Variants in STK32B observed in about 807,000 individuals in gnomAD.
The protein encoded by STK32B is serine/threonine-protein kinase 32B.
In STK32B, 43 loss-of-function variants were observed where a neutral mutation model predicts 52.6. The observed-to-expected ratio is 0.82, with a 90% CI of 0.64 to 1.05. STK32B has a LOEUF of 1.05. Among genes scored for constraint, STK32B ranks in the 50% least tolerant of loss-of-function variants. The pLI is 0.00. For missense variants in STK32B, 621 were observed against 534.6 expected (o/e 1.16, Z -1.59); for synonymous variants, 238 against 204.3 (o/e 1.17, Z -1.41).
chr4:5,338,315 T>C (rs1577367085), intron 4 of STK32B, among the ~76,000 whole-genome samples: 1 of 152,220 alleles, frequency 6.6e-6, no homozygotes, highest in Admixed American at 6.5e-5. Flanking sequence ...ACTGTTCATT[T>C]ACTCAGTCAT....
At chr4:5,283,118 C>G (rs1728316468) in intron 3 of STK32B, among the ~76,000 whole-genome samples, 1 of 152,072 alleles carries the variant, frequency 6.6e-6, no homozygotes, top group South Asian at 2.1e-4. Flanking sequence ...CCACTCTGTA[C>G]TTCTATAAAT....
intron 4 of STK32B, among the ~76,000 whole-genome samples, chr4:5,370,062 G>A (rs887104033): frequency 5.3e-5 from 8 of 151,996 alleles, no homozygotes; most frequent in African/African-American, 1.9e-4. Flanking sequence ...TTTTAGTAGA[G>A]ACGGGGTTTC....
chr4:5,429,136 C>G (rs1425524338), intron 6 of STK32B, among the ~76,000 whole-genome samples: 4 of 152,186 alleles, frequency 2.6e-5, no homozygotes, highest in Non-Finnish European at 2.9e-5. Context: ...TAACCCTACT[C>G]TAGTACATCG....
At chr4:5,156,617 G>A (rs1717872403) in intron 2 of STK32B, among the ~76,000 whole-genome samples, 1 of 152,200 alleles carries the variant, frequency 6.6e-6, no homozygotes, top group South Asian at 2.1e-4. Context: ...ATACCTTTGG[G>A]AGGACTCTGA....
chr4:5,099,326 A>G (rs1399157950), intron 1 of STK32B, among the ~76,000 whole-genome samples: 1 of 152,182 alleles, frequency 6.6e-6, no homozygotes, highest in East Asian at 1.9e-4. Flanking sequence ...AGGAACTAGA[A>G]TGTGGGCATC....
intron 3 of STK32B, among the ~76,000 whole-genome samples, chr4:5,259,034 C>T (rs1726527752): frequency 6.6e-6 from 1 of 152,178 alleles, no homozygotes; most frequent in African/African-American, 2.4e-5. Flanking sequence ...TCCTAGAATG[C>T]TCTGCCCCAG....
At chr4:5,119,456 C>T (rs1270671675) in intron 1 of STK32B, among the ~76,000 whole-genome samples, 6 of 152,220 alleles carry the variant, frequency 3.9e-5, no homozygotes. Context: ...TCTTAGCAAC[C>T]TTCTGAAAAT....
intron 3 of STK32B, among the ~76,000 whole-genome samples, chr4:5,239,234 G>GAGGGTT (rs1366057171): frequency 6.6e-6 from 1 of 151,542 alleles, no homozygotes; most frequent in Non-Finnish European, 1.5e-5. Flanking sequence ...GAGGCCACTG[G>GAGGGTT]AGGGTTTGAA....
chr4:5,442,596 C>G (rs1390075105), intron 6 of STK32B, among the ~76,000 whole-genome samples: 1 of 151,320 alleles, frequency 6.6e-6, no homozygotes, highest in Non-Finnish European at 1.5e-5. Context: ...AGCATTTAGT[C>G]CATTTACATT....
intron 1 of STK32B, among the ~76,000 whole-genome samples, chr4:5,133,478 G>A (rs1560168501): frequency 6.6e-6 from 1 of 152,072 alleles, no homozygotes; most frequent in East Asian, 1.9e-4. Context: ...ATTCATTCAT[G>A]CATATATGTC....
intron 3 of STK32B, among the ~76,000 whole-genome samples, chr4:5,268,636 T>G (rs905195567): frequency 6.6e-6 from 1 of 151,830 alleles, no homozygotes; most frequent in Non-Finnish European, 1.5e-5. Flanking sequence ...TGCTTTATGC[T>G]GGTTGGCTGC....
chr4:5,188,006 G>C (rs889945744), intron 3 of STK32B, among the ~76,000 whole-genome samples: 1 of 152,094 alleles, frequency 6.6e-6, no homozygotes, highest in Admixed American at 6.6e-5. Context: ...CAGTTTCCTC[G>C]TGTAGGGCGC....
intron 3 of STK32B, among the ~76,000 whole-genome samples, chr4:5,322,672 C>T (rs1403337147): frequency 6.6e-6 from 1 of 152,168 alleles, no homozygotes; most frequent in African/African-American, 2.4e-5. Flanking sequence ...GGGTTTCCTC[C>T]AGACTCTTCC....
intron 4 of STK32B, among the ~76,000 whole-genome samples, chr4:5,339,260 G>A (rs988231193): frequency 6.6e-6 from 1 of 152,086 alleles, no homozygotes; most frequent in African/African-American, 2.4e-5. Context: ...CCAAAACCAC[G>A]GGAGCCGATT....
chr4:5,136,779 A>T (rs971967573), intron 1 of STK32B, among the ~76,000 whole-genome samples: 2 of 152,166 alleles, frequency 1.3e-5, no homozygotes, highest in Non-Finnish European at 2.9e-5. Context: ...TTAACTTTTC[A>T]CTTATTCAAA....
intron 1 of STK32B, among the ~76,000 whole-genome samples, chr4:5,056,615 G>C (rs1742015686): frequency 6.6e-6 from 1 of 152,200 alleles, no homozygotes; most frequent in African/African-American, 2.4e-5. Context: ...GATAGCTCCA[G>C]AACTCTGAGT....
Position 5,395,865 on chromosome 4 carries a change from T to G in STK32B, c.435-2342T>G, listed in dbSNP as rs1459132034. Among the ~76,000 whole-genome samples the G allele has an allele frequency of 6.6e-6, 1 of 152,246 alleles. No homozygotes were observed. Among genetic ancestry groups the G allele is most frequent in the African/African-American group, 2.4e-5 (1 of 41,474 alleles). On this transcript the variant is annotated intron_variant, in intron 4 of 11. Transcript: ENST00000282908. The surrounding 1 kb of genome is among the most constrained non-coding windows in gnomAD (Gnocchi z 4.4). ...CTCCCAAACAGAACAGCCCCTTTCC[T>G]TGGCTCTGTGGGGTCTAGGGACCAA...
intron 1 of STK32B, among the ~76,000 whole-genome samples, chr4:5,087,396 A>G (rs1490072508): frequency 6.6e-6 from 1 of 152,030 alleles, no homozygotes; most frequent in Non-Finnish European, 1.5e-5. Context: ...GACAAATAAA[A>G]AGCTATGACT....
At chr4:5,025,654 C>T in the STK32B span, among the ~76,000 whole-genome samples, 1 of 152,184 alleles carries the variant, frequency 6.6e-6, no homozygotes, top group African/African-American at 2.4e-5. Context: ...GCTTTCTGTC[C>T]TTCTCTGTCT....
Sources: gnomAD v4.1 joint callset for allele counts (sites outside exome capture counted in the v4.1 genomes callset) on GRCh38, gnomAD v4.1.1 for gene constraint, Gnocchi (gnomAD v3.1) non-coding constraint, MANE v1.5 for transcripts, NCBI Gene and HGNC (gene_info 2026-07-23, HGNC 2026-07-21) for gene names.